SNRPG: variants seen among roughly 807,000 people sequenced by gnomAD.
SNRPG encodes small nuclear ribonucleoprotein G.
SNRPG carries 3 observed loss-of-function variants against 13.9 expected under a neutral mutation model. That is an observed-to-expected ratio of 0.22 (90% CI 0.10 to 0.56). The LOEUF (loss-of-function observed/expected upper bound fraction) is 0.56. Among genes scored for constraint, SNRPG ranks in the 20% least tolerant of loss-of-function variants. SNRPG has a pLI of 0.93. For synonymous variants in SNRPG, 29 were observed against 29.3 expected (o/e 0.99, Z 0.03); for missense variants, 34 against 96.1 (o/e 0.35, Z 2.70).
rs1696982808 is a variant in SNRPG at position 70,287,928 on chromosome 2, G to A, written c.180+140C>T. The A allele has an allele frequency of 9.4e-6, 6 of 637,698 alleles. No individual in the cohort carries two copies. The South Asian group carries it at 1.0e-4, about 11-fold the overall frequency. 39.5% of individuals were successfully genotyped at this position (637,698 alleles called of 1,614,324 possible). A position where few individuals can be genotyped will look rare whatever the true frequency, so the allele number is the denominator to read the frequency against. ...AGGATATTACTACAGCTGAGTAACT[G>A]CCGTATGCAACTAAAAAGGAGATGG... On this transcript the variant is annotated intron_variant, in intron 3 of 3. Coordinates refer to ENST00000272348, the MANE Select transcript of SNRPG (RefSeq NM_003096.4).
Position 70,293,687 on chromosome 2 carries a change from C to A in SNRPG, c.-38G>T. ...GCGGGCTCACAGATGCCTTGGAACG[C>A]AACGCACGGCTTTCCTCACGCTCCC... On this transcript the variant is annotated 5_prime_UTR_variant, in exon 1 of 4. Transcript: ENST00000272348. The A allele has an allele frequency of 1.3e-6, 2 of 1,599,924 alleles. No individual in the cohort carries two copies. Among genetic ancestry groups the A allele is most frequent in the South Asian group, 2.2e-5 (2 of 90,784 alleles).
At chr2:70,285,696 T>A (rs1347986980) in intron 3 of SNRPG, among the ~76,000 whole-genome samples, 1 of 152,192 alleles carries the variant, frequency 6.6e-6, no homozygotes, top group East Asian at 1.9e-4. Flanking sequence ...CTTTTGCCAC[T>A]GTGTTTGAGG....
chr2:70,287,212 CAAACTTAA>C (rs1432205518), intron 3 of SNRPG: 1 of 667,516 alleles, frequency 1.5e-6, no homozygotes, highest in Admixed American at 2.4e-5. Context: ...CTTTACTGCT[CAAACTTAA>C]AAATCAAGGT....
intron 1 of SNRPG, chr2:70,293,207 T>C (rs748995660): frequency 1.6e-5 from 11 of 702,270 alleles, no homozygotes; most frequent in African/African-American, 3.5e-5. Flanking sequence ...TCACGTAGTT[T>C]TAAAAACACT....
At chr2:70,281,956 G>A (rs1573988272) in intron 3 of SNRPG, among the ~76,000 whole-genome samples, 1 of 152,016 alleles carries the variant, frequency 6.6e-6, no homozygotes, top group East Asian at 1.9e-4. Flanking sequence ...GTCTCACTCT[G>A]TTGCCCAGGC....
intron 1 of SNRPG, among the ~76,000 whole-genome samples, chr2:70,291,014 AACACACAC>A (rs56202448): frequency 0.052 from 6,953 of 133,590 alleles, 401 homozygotes; most frequent in Admixed American, 0.17. Context: ...TCCATCTCAA[AACACACAC>A]ACACACACAC....
intron 3 of SNRPG, among the ~76,000 whole-genome samples, chr2:70,282,348 G>A (rs1264934622): frequency 6.6e-6 from 1 of 152,112 alleles, no homozygotes; most frequent in East Asian, 1.9e-4. Context: ...AGATCATTTA[G>A]GGAAGAAACC....
chr2:70,285,601 G>C (rs1175599928), intron 3 of SNRPG, among the ~76,000 whole-genome samples: 3 of 151,942 alleles, frequency 2.0e-5, no homozygotes, highest in Non-Finnish European at 4.4e-5. Context: ...CACACACACA[G>C]AAATTTGTGC....
chr2:70,281,812 C>A, intron 3 of SNRPG, 128 bp from the exon 4 acceptor site: 19 of 560,476 alleles, frequency 3.4e-5, no homozygotes, highest in East Asian at 1.6e-4. Flanking sequence ...AAGCTTTGTT[C>A]AAGCCACAGG....
Position 70,293,536 on chromosome 2 carries a change from A to G in SNRPG, c.32+82T>C. ...GAAATGAAGTGAAGCGGCTCAAGAC[A>G]TTCGGCTAACGGAGAGGGAACCAAG... On this transcript the variant is annotated intron_variant, in intron 1 of 3. Transcript: ENST00000272348. 11 of 1,177,090 alleles carry G rather than the reference A, an allele frequency of 9.3e-6. No homozygotes were observed. The South Asian group carries it at 1.2e-4, about 13-fold the overall frequency. 72.9% of individuals were successfully genotyped at this position (1,177,090 alleles called of 1,614,324 possible). A position where few individuals can be genotyped will look rare whatever the true frequency, so the allele number is the denominator to read the frequency against.
chr2:70,283,498 G>C (rs1483265199), intron 3 of SNRPG, among the ~76,000 whole-genome samples: 1 of 152,158 alleles, frequency 6.6e-6, no homozygotes, highest in Non-Finnish European at 1.5e-5. Flanking sequence ...TATCATGCTT[G>C]TTTTATTTAC....
chr2:70,292,314 G>T (rs865817781), intron 1 of SNRPG, among the ~76,000 whole-genome samples: 15 of 152,086 alleles, frequency 9.9e-5, no homozygotes, highest in African/African-American at 3.6e-4. Flanking sequence ...TCATACAAAA[G>T]ATGGCTTTGA....
At chr2:70,291,260 T>G (rs894339029) in intron 1 of SNRPG, 26 of 152,190 alleles carry the variant, frequency 1.7e-4, no homozygotes, top group African/African-American at 6.3e-4. Flanking sequence ...AATAGTTCAG[T>G]GTGACTGGAG....
At chr2:70,283,122 A>AAAAAAAAAACAAC (rs1241967786) in intron 3 of SNRPG, among the ~76,000 whole-genome samples, 1 of 82,962 alleles carries the variant, frequency 1.2e-5, no homozygotes, top group African/African-American at 4.1e-5. Flanking sequence ...AAAAAAAAAA[A>AAAAAAAAAACAAC]AACAACAAAC....
chr2:70,287,151 G>C (rs1394013942), intron 3 of SNRPG: 1 of 591,822 alleles, frequency 1.7e-6, no homozygotes, highest in African/African-American at 1.9e-5. Context: ...GGAAAGAATG[G>C]TATGTAAAAA....
intron 3 of SNRPG, among the ~76,000 whole-genome samples, chr2:70,282,813 C>T (rs1169909056): frequency 4.6e-5 from 7 of 151,978 alleles, no homozygotes; most frequent in Non-Finnish European, 1.0e-4. Context: ...GAATATTTAT[C>T]GGGGGTGTGG....
At chr2:70,283,150 A>G (rs1352360418) in intron 3 of SNRPG, among the ~76,000 whole-genome samples, 1 of 151,130 alleles carries the variant, frequency 6.6e-6, no homozygotes, top group Non-Finnish European at 1.5e-5. Flanking sequence ...AAAACAAACC[A>G]ACAGACAAAC....
intron 3 of SNRPG, among the ~76,000 whole-genome samples, chr2:70,285,206 A>C (rs973532201): frequency 3.3e-5 from 5 of 152,218 alleles, no homozygotes; most frequent in South Asian, 2.1e-4. Flanking sequence ...TAAGAAAAAG[A>C]ATCATATGTT....
intron 1 of SNRPG, among the ~76,000 whole-genome samples, chr2:70,289,960 CTTA>C (rs1697040471): frequency 6.7e-6 from 1 of 149,960 alleles, no homozygotes; most frequent in Non-Finnish European, 1.5e-5. Flanking sequence ...GAATTACATT[CTTA>C]TTGTTCAATA....
Sources: allele counts gnomAD v4.1 joint callset (sites outside exome capture counted in the v4.1 genomes callset), GRCh38; gene constraint gnomAD v4.1.1; transcripts MANE v1.5; gene names NCBI Gene and HGNC (gene_info 2026-07-23, HGNC 2026-07-21).